Variants in FER observed in about 807,000 individuals in gnomAD.
FER encodes tyrosine-protein kinase Fer.
In FER, 63 loss-of-function variants were observed where a neutral mutation model predicts 111.0. The ratio of observed to expected loss-of-function variants is 0.57; its 90% CI spans 0.46 to 0.70. The LOEUF (loss-of-function observed/expected upper bound fraction) is 0.70, where lower values mean the gene tolerates loss of function less well. Among genes scored for constraint, FER ranks in the 30% least tolerant of loss-of-function variants. The pLI, the probability that FER is intolerant of heterozygous loss-of-function variation, is 0.00. For synonymous variants in FER, 327 were observed against 313.9 expected, an observed-to-expected ratio of 1.04 and a Z score of -0.44; for missense variants, 914 against 954.0, an observed-to-expected ratio of 0.96 and a Z score of 0.55.
In FER at chr5:108,779,710, C is replaced by T. The variant is rs536820947; in HGVS notation, c.-60+11472C>T. 2.0e-5 allele frequency among the ~76,000 whole-genome samples: 3 copies of T among 152,250 alleles called. No individual in the cohort carries two copies. The South Asian group carries it at 6.2e-4, about 32-fold the overall frequency. ...TGGGTCAATTCTTTCAGATTTTCTA[C>T]ACAGTCAATCTTGTCATCTGTGAAC... is the stretch of plus-strand genomic sequence containing the variant. On this transcript the variant is annotated intron_variant, in intron 2 of 19. Transcript: ENST00000281092.
At chr5:109,058,724 CTTTTT>C (rs746184286) in intron 16 of FER, among the ~76,000 whole-genome samples, 1,004 of 76,074 alleles carry the variant, frequency 0.013, no homozygotes, top group Non-Finnish European at 0.019. Flanking sequence ...TTCTTTCTTT[CTTTTT>C]TTTTTTTTTT....
At chr5:108,932,856 C>CT (rs202222050) in intron 10 of FER, among the ~76,000 whole-genome samples, 4,827 of 138,186 alleles carry the variant, frequency 0.035, 116 homozygotes, top group Non-Finnish European at 0.051. Context: ...CCTTTGCCCA[C>CT]TTTTTTTTTT....
intron 13 of FER, among the ~76,000 whole-genome samples, chr5:109,018,427 A>T (rs942059203): frequency 6.6e-6 from 1 of 151,882 alleles, no homozygotes; most frequent in African/African-American, 2.4e-5. Context: ...CATGTAGAGA[A>T]CCTTAGATAA....
At chr5:108,789,968 G>T (rs1166133049) in intron 2 of FER, among the ~76,000 whole-genome samples, 2 of 152,122 alleles carry the variant, frequency 1.3e-5, no homozygotes, top group African/African-American at 4.8e-5. Flanking sequence ...AGAAACAGAA[G>T]TGATATTTTT....
At chr5:108,845,182 G>GT (rs951238843) in intron 5 of FER, among the ~76,000 whole-genome samples, 90 of 143,994 alleles carry the variant, frequency 6.3e-4, no homozygotes, top group African/African-American at 1.9e-3. Flanking sequence ...GTTTTGTTTT[G>GT]TTTTTTTTAC....
intron 3 of FER, among the ~76,000 whole-genome samples, chr5:108,815,353 T>G (rs1183473751): frequency 6.6e-6 from 1 of 152,132 alleles, no homozygotes; most frequent in African/African-American, 2.4e-5. Flanking sequence ...TCTTGTATCA[T>G]TTTGCATATC....
intron 13 of FER, among the ~76,000 whole-genome samples, chr5:109,024,537 C>T (rs1263220265): frequency 2.0e-5 from 3 of 152,008 alleles, no homozygotes; most frequent in Non-Finnish European, 2.9e-5. Flanking sequence ...CTGATAGAGA[C>T]CCCTTCTTCA....
At chr5:108,854,124 G>A (rs1016798931) in intron 5 of FER, among the ~76,000 whole-genome samples, 1 of 152,170 alleles carries the variant, frequency 6.6e-6, no homozygotes, top group African/African-American at 2.4e-5. Flanking sequence ...GGGACATAAA[G>A]GTTTGTTTCC....
At chr5:109,143,348 G>A (rs754545370) in intron 17 of FER, among the ~76,000 whole-genome samples, 7 of 152,120 alleles carry the variant, frequency 4.6e-5, no homozygotes, top group African/African-American at 7.2e-5. Context: ...AAGATAGATT[G>A]TCTAATCAGC....
intron 2 of FER, among the ~76,000 whole-genome samples, chr5:108,786,902 T>C (rs939675542): frequency 6.6e-6 from 1 of 152,204 alleles, no homozygotes; most frequent in African/African-American, 2.4e-5. Flanking sequence ...TACATCTTCC[T>C]CTAACTTTTG....
chr5:108,867,716 A>AT (rs34847332), intron 5 of FER, 51 bp from the exon 6 acceptor site: 17 of 1,530,602 alleles, frequency 1.1e-5, no homozygotes, highest in Middle Eastern at 1.7e-4. Context: ...TGAAGATACA[A>AT]TTTTTTTTCT....
At chr5:108,898,300 G>A (rs899919769) in intron 10 of FER, among the ~76,000 whole-genome samples, 5 of 151,920 alleles carry the variant, frequency 3.3e-5, no homozygotes, top group African/African-American at 1.2e-4. Flanking sequence ...TCATAAATGT[G>A]ACCCTTAGAC....
chr5:108,813,051 A>G (rs1757926721), intron 3 of FER, among the ~76,000 whole-genome samples: 2 of 151,926 alleles, frequency 1.3e-5, no homozygotes, highest in Non-Finnish European at 1.5e-5. Context: ...AGCTTGTATC[A>G]TTTTCTTTCT....
At chr5:108,849,704 T>C (rs529446260) in intron 5 of FER, among the ~76,000 whole-genome samples, 1 of 152,298 alleles carries the variant, frequency 6.6e-6, no homozygotes, top group African/African-American at 2.4e-5. Flanking sequence ...TATTTTTGCT[T>C]CTTTGAATGC....
intron 16 of FER, among the ~76,000 whole-genome samples, chr5:109,068,845 A>G (rs1775433392): frequency 6.6e-6 from 1 of 152,198 alleles, no homozygotes; most frequent in Non-Finnish European, 1.5e-5. Flanking sequence ...GAGAAGTAAC[A>G]TTATGTATAG....
intron 13 of FER, among the ~76,000 whole-genome samples, chr5:109,011,984 T>C (rs908822191): frequency 2.6e-5 from 4 of 152,240 alleles, no homozygotes; most frequent in African/African-American, 9.6e-5. Context: ...ATTGCCTTCT[T>C]GTGCTTCCCT....
chr5:108,763,143 C>T (rs1314688859), intron 1 of FER, among the ~76,000 whole-genome samples: 3 of 151,492 alleles, frequency 2.0e-5, no homozygotes, highest in Non-Finnish European at 1.5e-5. Flanking sequence ...ATTTGTTGAA[C>T]GAATTAATAA....
At chr5:109,108,111 G>A (rs760707238) in intron 17 of FER, among the ~76,000 whole-genome samples, 10 of 152,184 alleles carry the variant, frequency 6.6e-5, no homozygotes, top group East Asian at 1.9e-4. Flanking sequence ...GATGGCTATC[G>A]TACACTCATG....
intron 3 of FER, among the ~76,000 whole-genome samples, chr5:108,799,846 C>CT (rs112192717): frequency 0.2 from 27,938 of 138,874 alleles, 2,995 homozygotes; most frequent in African/African-American, 0.27. Flanking sequence ...CTTTTCTTTT[C>CT]TTTTTTTTTT....
Sources: allele counts gnomAD v4.1 joint callset (sites outside exome capture counted in the v4.1 genomes callset), GRCh38; gene constraint gnomAD v4.1.1; transcripts MANE v1.5; gene names NCBI Gene and HGNC (gene_info 2026-07-23, HGNC 2026-07-21).